CRKL: variants seen among roughly 807,000 people sequenced by gnomAD.
The protein encoded by CRKL is crk-like protein.
In CRKL, 3 loss-of-function variants were observed where a neutral mutation model predicts 23.0. The ratio of observed to expected loss-of-function variants is 0.13; its 90% CI spans 0.06 to 0.34. The LOEUF (loss-of-function observed/expected upper bound fraction) is 0.34, where lower values mean the gene tolerates loss of function less well. CRKL is among the 10% of genes least tolerant of loss of function. The probability of loss-of-function intolerance (pLI) is 1.00; values close to 1 mark genes in which losing one functional copy is unlikely to be tolerated. For missense variants in CRKL, 256 were observed against 394.5 expected (o/e 0.65, Z 2.97); for synonymous variants, 188 against 160.7 (o/e 1.17, Z -1.28).
chr22:20,918,210 C>T lies in CRKL; in HGVS notation c.276C>T (p.Tyr92=), dbSNP rs912970067. ...TGCTGGAGTTTTACAAGATCCACTACCTGGACACCACCACCCTCATCGAGC... is the reference window on the plus strand; with the variant it reads ...TGCTGGAGTTTTACAAGATCCACTATCTGGACACCACCACCCTCATCGAGC... ...PALLEFYKIH[Y]LDTTTLIEPA... is the part of the protein sequence containing the mutation. Residue 92 remains tyrosine (Y), a synonymous_variant, in exon 1 of 3, where the codon TAC becomes TAT. Coordinates refer to ENST00000354336, the MANE Select transcript of CRKL (RefSeq NM_005207.4). 1 of 1,614,086 alleles carries T rather than the reference C, an allele frequency of 6.2e-7. No homozygotes were observed. The highest frequency in any genetic ancestry group is 8.5e-7 in the Non-Finnish European group (1 of 1,180,034).
intron 1 of CRKL, 61 bp downstream of exon 1, chr22:20,918,306 C>T (rs2147892269): frequency 1.9e-6 from 3 of 1,558,660 alleles, no homozygotes; most frequent in Non-Finnish European, 2.6e-6. Context: ...TCGAAGAGTG[C>T]TTGTATAGGG....
At chr22:20,923,668 A>C (rs1426149993) in intron 1 of CRKL, among the ~76,000 whole-genome samples, 1 of 145,786 alleles carries the variant, frequency 6.9e-6, no homozygotes, top group Non-Finnish European at 1.5e-5. Context: ...TCCACCTCCT[A>C]GGTTCAAGTG....
rs892641243 is a variant in CRKL at position 20,917,736 on chromosome 22, G to A, written c.-199G>A. On this transcript the variant is annotated 5_prime_UTR_variant, in exon 1 of 3. Transcript: ENST00000354336. ...CCCGGGCGGCTCTCTCCGTGTGGCG[G>A]CCCCGGAGCAGGCGGGCGGCGTCGG... The A allele has an allele frequency of 5.0e-6, 3 of 604,044 alleles. No homozygotes were observed. Among genetic ancestry groups the A allele is most frequent in the Non-Finnish European group, 8.6e-6 (3 of 350,468 alleles). The allele number at this position is 604,044 out of a possible 1,614,324, so 37.4% of individuals were successfully genotyped here. A position where few individuals can be genotyped will look rare whatever the true frequency, so the allele number is the denominator to read the frequency against.
intron 2 of CRKL, among the ~76,000 whole-genome samples, chr22:20,940,303 C>T (rs1385135588): frequency 6.6e-6 from 1 of 152,184 alleles, no homozygotes; most frequent in Non-Finnish European, 1.5e-5. Flanking sequence ...AGATGCTCCA[C>T]TTCCCATTCT....
intron 1 of CRKL, among the ~76,000 whole-genome samples, chr22:20,926,501 A>G (rs1169455149): frequency 1.3e-5 from 2 of 152,042 alleles, no homozygotes; most frequent in African/African-American, 2.4e-5. Flanking sequence ...AGAGAAAGGG[A>G]TTAGGGTGGG....
In CRKL at chr22:20,918,015, G is replaced by T. The variant is rs1415891678; in HGVS notation, c.81G>T (p.Arg27=). ...GPVSRQEAQT[R]LQGQRHGMFL... ...TGTCTCGCCAGGAGGCGCAGACCCG[G>T]CTCCAGGGCCAGCGCCACGGTATGT... Residue 27 remains arginine (R), a synonymous_variant, in exon 1 of 3, where the codon CGG becomes CGT. Coordinates refer to ENST00000354336, the MANE Select transcript of CRKL (RefSeq NM_005207.4). 1.2e-6 allele frequency: 2 copies of T among 1,614,210 alleles called. No homozygotes were observed. Among genetic ancestry groups the T allele is most frequent in the Non-Finnish European group, 1.7e-6 (2 of 1,180,032 alleles).
chr22:20,941,886 C>G, intron 2 of CRKL, among the ~76,000 whole-genome samples: 1 of 152,104 alleles, frequency 6.6e-6, no homozygotes, highest in South Asian at 2.1e-4. Flanking sequence ...GTTCCTCTTT[C>G]CTAATGTGTA....
intron 1 of CRKL, among the ~76,000 whole-genome samples, chr22:20,918,751 C>A (rs1929784658): frequency 6.6e-6 from 1 of 152,068 alleles, no homozygotes; most frequent in Non-Finnish European, 1.5e-5. Flanking sequence ...GCCACCACAC[C>A]CAGCTAATTT....
chr22:20,918,430 G>GT (rs5844449), intron 1 of CRKL, among the ~76,000 whole-genome samples, 185 bp downstream of exon 1: 26 of 148,330 alleles, frequency 1.8e-4, no homozygotes, highest in East Asian at 9.9e-4. Context: ...AAGAGGATGC[G>GT]TTTTTTTTTT....
At chr22:20,940,227 A>G (rs1010333992) in intron 2 of CRKL, among the ~76,000 whole-genome samples, 2 of 151,426 alleles carry the variant, frequency 1.3e-5, no homozygotes, top group African/African-American at 4.8e-5. Context: ...TCTGCCTCTT[A>G]TATCTATAAA....
At chr22:20,940,544 C>T (rs1221845222) in intron 2 of CRKL, among the ~76,000 whole-genome samples, 1 of 147,480 alleles carries the variant, frequency 6.8e-6, no homozygotes. Context: ...TTAAGAACAC[C>T]CTTTCCTCAT....
At chr22:20,932,918 A>G (rs191017653) in intron 1 of CRKL, among the ~76,000 whole-genome samples, 7 of 151,994 alleles carry the variant, frequency 4.6e-5, no homozygotes, top group African/African-American at 1.2e-4. Flanking sequence ...TGTCTCTACT[A>G]AAAATACAAA....
rs1013254248 is a variant in CRKL at position 20,939,828 on chromosome 22, G to A, written c.777+5584G>A. 7.8e-5 allele frequency among the ~76,000 whole-genome samples: 11 copies of A among 140,922 alleles called. No homozygotes were observed. The South Asian group carries it at 1.4e-3, about 17-fold the overall frequency. The allele number at this position is 140,922 out of a possible 152,430, so 92.5% of individuals were successfully genotyped here. On this transcript the variant is annotated intron_variant, in intron 2 of 2. Transcript: ENST00000354336. ...TTTGAGTTGAAGTCTCGCTCTTGTCGCCCAGGCTGGAGTGCAATGGCGTGA... is the reference window on the plus strand; with the variant it reads ...TTTGAGTTGAAGTCTCGCTCTTGTCACCCAGGCTGGAGTGCAATGGCGTGA...
intron 1 of CRKL, among the ~76,000 whole-genome samples, chr22:20,931,781 C>A (rs1057372607): frequency 3.9e-5 from 6 of 152,246 alleles, no homozygotes; most frequent in Middle Eastern, 3.4e-3. Flanking sequence ...TCCTACTACT[C>A]TTGCTAGCTA....
At chr22:20,924,556 GA>G (rs5844450) in intron 1 of CRKL, among the ~76,000 whole-genome samples, 116,329 of 152,134 alleles carry the variant, frequency 0.76, 45,060 homozygotes, top group East Asian at 0.92. Flanking sequence ...TTGATTCAGA[GA>G]AAAATACAAG....
At position 20,931,897 on chromosome 22, in the gene CRKL, C is replaced by T. The variant is rs956760595; in HGVS notation, c.312-1882C>T. 5.3e-5 allele frequency among the ~76,000 whole-genome samples: 8 copies of T among 151,820 alleles called. No individual in the cohort carries two copies. In the East Asian group the frequency reaches 9.7e-4, roughly 18 times the overall value. On this transcript the variant is annotated intron_variant, in intron 1 of 2. Coordinates refer to ENST00000354336, the MANE Select transcript of CRKL (RefSeq NM_005207.4). ...TGCAATCTTGGCTCACTGCAAGCTC[C>T]GCCTCCCGGGCTCACACCGTTCTCC...
rs1337565799 is a variant in CRKL at position 20,950,808 on chromosome 22, G to C, written c.*963G>C. 8.7e-6 allele frequency: 2 copies of C among 228,910 alleles called. No individual in the cohort carries two copies. Among genetic ancestry groups the C allele is most frequent in the Admixed American group, 1.1e-4 (2 of 17,614 alleles). The allele number at this position is 228,910 out of a possible 1,614,324, so 14.2% of individuals were successfully genotyped here. On this transcript the variant is annotated 3_prime_UTR_variant, in exon 3 of 3. Transcript: ENST00000354336. ...GCCTCTGAGCTTCTAAACTGAAGCTGCTGTAACTAAAGGAATCTGAAAAGA... is the reference window on the plus strand; with the variant it reads ...GCCTCTGAGCTTCTAAACTGAAGCTCCTGTAACTAAAGGAATCTGAAAAGA...
intron 2 of CRKL, among the ~76,000 whole-genome samples, chr22:20,944,331 A>G (rs1921979809): frequency 6.6e-6 from 1 of 151,750 alleles, no homozygotes; most frequent in Non-Finnish European, 1.5e-5. Context: ...CCATTAACAC[A>G]AATGTTTTTG....
At chr22:20,930,906 T>A (rs1401608278) in intron 1 of CRKL, among the ~76,000 whole-genome samples, 6 of 148,272 alleles carry the variant, frequency 4.0e-5, no homozygotes, top group Non-Finnish European at 8.9e-5. Flanking sequence ...ATGGTCTCAA[T>A]CTCCTGACCT....
Sources: gnomAD v4.1 joint callset for allele counts (sites outside exome capture counted in the v4.1 genomes callset) on GRCh38, gnomAD v4.1.1 for gene constraint, MANE v1.5 for transcripts, NCBI Gene and HGNC (gene_info 2026-07-23, HGNC 2026-07-21) for gene names.